CEP72: variants seen among roughly 807,000 people sequenced by gnomAD.
The protein encoded by CEP72 is centrosomal protein of 72 kDa.
CEP72 carries 78 observed loss-of-function variants against 65.7 expected under a neutral mutation model. The observed-to-expected ratio is 1.19, with a 90% CI of 0.99 to 1.43. The LOEUF is 1.43. Ranked by LOEUF, CEP72 falls within the 40% of genes most tolerant of loss-of-function variation. CEP72 has a pLI of 0.00. For missense variants in CEP72, 914 were observed against 832.9 expected (o/e 1.10, Z -1.20); for synonymous variants, 358 against 351.7 (o/e 1.02, Z -0.20).
At chr5:641,058 C>CT (rs1038342334) in intron 9 of CEP72, 92 of 985,346 alleles carry the variant, frequency 9.3e-5, no homozygotes, top group Non-Finnish European at 1.0e-4. Context: ...CATTTATCAC[C>CT]TTGGATTTCT....
At chr5:643,625 C>G in intron 9 of CEP72, 1 of 985,354 alleles carries the variant, frequency 1.0e-6, no homozygotes, top group Non-Finnish European at 1.2e-6. Flanking sequence ...TCAGCACCCC[C>G]GGCCCCAGGA....
At chr5:638,182 G>C (rs982488736) in intron 7 of CEP72, among the ~76,000 whole-genome samples, 14 of 152,194 alleles carry the variant, frequency 9.2e-5, no homozygotes, top group African/African-American at 3.4e-4. Context: ...GTGGAGAGAG[G>C]GGACTCTGCC....
At chr5:669,219 C>T (rs867431277), downstream of CEP72, among the ~76,000 whole-genome samples, 1 of 152,202 alleles carries the variant, frequency 6.6e-6, no homozygotes, top group African/African-American at 2.4e-5. Flanking sequence ...AGGGCACATT[C>T]CAGACCCGCC....
intron 11 of CEP72, 109 bp from the exon 12 acceptor site, chr5:652,879 C>A: frequency 1.6e-6 from 2 of 1,252,242 alleles, no homozygotes; most frequent in African/African-American, 1.5e-5. Flanking sequence ...GTGTGCAGGG[C>A]CAGGGCACCT....
At chr5:669,268 G>A (rs557193904), downstream of CEP72, among the ~76,000 whole-genome samples, 3 of 137,880 alleles carry the variant, frequency 2.2e-5, no homozygotes, top group African/African-American at 8.2e-5. Context: ...TCCCCCAGGG[G>A]GCGCTGGTGA....
chr5:646,130 C>T (rs553078618), intron 10 of CEP72, among the ~76,000 whole-genome samples: 4 of 152,282 alleles, frequency 2.6e-5, no homozygotes, highest in African/African-American at 4.8e-5. Context: ...CTTTCCACGG[C>T]GGTCGCTTTG....
At chr5:658,959 C>T (rs904518238), downstream of CEP72, among the ~76,000 whole-genome samples, 6 of 152,214 alleles carry the variant, frequency 3.9e-5, no homozygotes, top group East Asian at 3.9e-4. Flanking sequence ...TGAGCCACCG[C>T]GCCCGGCCTC....
chr5:621,818 G>A (rs1446380211), intron 3 of CEP72, among the ~76,000 whole-genome samples: 1 of 152,212 alleles, frequency 6.6e-6, no homozygotes, highest in East Asian at 1.9e-4. Context: ...TCATCGCCCA[G>A]GCTGGAGTGC....
intron 4 of CEP72, among the ~76,000 whole-genome samples, chr5:625,244 A>G (rs756354325): frequency 6.6e-6 from 1 of 152,244 alleles, no homozygotes; most frequent in Non-Finnish European, 1.5e-5. Flanking sequence ...GGCAGAAATC[A>G]GTGGACTCTG....
Position 628,701 on chromosome 5 carries a change from T to G in CEP72, c.512+4122T>G, listed in dbSNP as rs4956957. 2.9e-3 allele frequency among the ~76,000 whole-genome samples: 175 copies of G among 60,330 alleles called. 1 individual carries two copies. The highest frequency in any genetic ancestry group is 0.019 in the Middle Eastern group (1 of 52). 39.6% of individuals were successfully genotyped at this position (60,330 alleles called of 152,430 possible). On this transcript the variant is annotated intron_variant, in intron 4 of 11. Transcript: ENST00000264935. ...CTCAGGTCACAGGCCCCGGGGAGTGTTCCCAGGACCCAGCCCCCTTCTTTG... is the reference window on the plus strand; with the variant it reads ...CTCAGGTCACAGGCCCCGGGGAGTGGTCCCAGGACCCAGCCCCCTTCTTTG...
the CEP72 span, among the ~76,000 whole-genome samples, chr5:673,058 AG>A: frequency 7.9e-5 from 12 of 152,154 alleles, no homozygotes; most frequent in African/African-American, 2.9e-4. Flanking sequence ...AGCTTTCTGC[AG>A]TACCGAAGGC....
rs143296537 is a variant in CEP72, at chr5:621,685, C to T, written c.403+1424C>T. 3.8e-3 allele frequency among the ~76,000 whole-genome samples: 572 copies of T among 152,354 alleles called. 3 individuals carry two copies. Among genetic ancestry groups the T allele is most frequent in the African/African-American group, 0.013 (547 of 41,594 alleles). On this transcript the variant is annotated intron_variant, in intron 3 of 11. Transcript: ENST00000264935. ...TGTCTGGGGCCATCGTGGAGCCATG[C>T]GGGGCCGTGTCACCTCATCACAGGG...
chr5:675,342 GGGGTGCAGTGTGGGGGT>G, the CEP72 span, among the ~76,000 whole-genome samples: 1 of 116,586 alleles, frequency 8.6e-6, no homozygotes, highest in Non-Finnish European at 1.8e-5. Flanking sequence ...AGTGTGGCTG[GGGGTGCAGTGTGGGGGT>G]GTGCAGTGTG....
chr5:648,496 G>A (rs1414890067), intron 11 of CEP72, among the ~76,000 whole-genome samples: 4 of 144,988 alleles, frequency 2.8e-5, no homozygotes, highest in Non-Finnish European at 4.5e-5. Flanking sequence ...ACTGTGAGGT[G>A]TGACTGTGAG....
chr5:659,734 C>T (rs1002147648), downstream of CEP72: 3 of 152,428 alleles, frequency 2.0e-5, no homozygotes, highest in African/African-American at 7.2e-5. Context: ...AAAGGCGACA[C>T]AAGGGCCTTG....
chr5:628,655 CTTTGTGCAG>C lies in CEP72; in HGVS notation c.512+4077_512+4085del, dbSNP rs1236245788. ...AGTGGCCCCAGGACCCAGCCCCCTT[CTTTGTGCAG>C]CTTCTGGAGAACTCAGGTCACAGGC... On this transcript the variant is annotated intron_variant, in intron 4 of 11. Coordinates refer to ENST00000264935, the MANE Select transcript of CEP72 (RefSeq NM_018140.4). 6.5e-5 allele frequency among the ~76,000 whole-genome samples: 8 copies of C among 123,896 alleles called. 1 individual carries two copies. The highest frequency in any genetic ancestry group is 1.4e-4 in the African/African-American group (5 of 35,622). The allele number at this position is 123,896 out of a possible 152,430, so 81.3% of individuals were successfully genotyped here. A position where few individuals can be genotyped will look rare whatever the true frequency, so the allele number is the denominator to read the frequency against.
intron 1 of CEP72, chr5:612,651 G>A: frequency 1.0e-6 from 1 of 979,176 alleles, no homozygotes; most frequent in South Asian, 4.7e-5. Flanking sequence ...CCGCGTTCGG[G>A]TCCCGGCGTC....
At chr5:651,551 A>G (rs907320280) in intron 11 of CEP72, among the ~76,000 whole-genome samples, 7 of 151,946 alleles carry the variant, frequency 4.6e-5, no homozygotes, top group African/African-American at 1.7e-4. Flanking sequence ...TCAGTTGGAA[A>G]CACGGAGATT....
At chr5:640,183 C>G (rs908901276) in intron 8 of CEP72, among the ~76,000 whole-genome samples, 16 of 152,206 alleles carry the variant, frequency 1.1e-4, no homozygotes, top group Non-Finnish European at 1.9e-4. Flanking sequence ...CTGGTTGCCC[C>G]TTTTCTTGGA....
Sources: allele counts gnomAD v4.1 joint callset (sites outside exome capture counted in the v4.1 genomes callset), GRCh38; gene constraint gnomAD v4.1.1; transcripts MANE v1.5; gene names NCBI Gene and HGNC (gene_info 2026-07-23, HGNC 2026-07-21).